Variants in INPP5B observed in about 807,000 individuals in gnomAD.
The protein encoded by INPP5B is inositol polyphosphate-5-phosphatase B.
In INPP5B, 90 loss-of-function variants were observed where a neutral mutation model predicts 118.5. The observed-to-expected ratio is 0.76, with a 90% CI of 0.64 to 0.90. The LOEUF is 0.90. INPP5B is among the 40% of genes least tolerant of loss of function. The pLI, the probability that INPP5B is intolerant of heterozygous loss-of-function variation, is 0.00. For synonymous variants in INPP5B, 385 were observed against 418.9 expected, an observed-to-expected ratio of 0.92 and a Z score of 0.99; for missense variants, 984 against 1,125.6, an observed-to-expected ratio of 0.87 and a Z score of 1.80.
At chr1:37,901,732 C>T (rs28469609) in intron 7 of INPP5B, among the ~76,000 whole-genome samples, 34,544 of 151,948 alleles carry the variant, frequency 0.23, 4,483 homozygotes, top group East Asian at 0.29. Context: ...GCGGTCTTCT[C>T]GGAATCTCCT....
chr1:37,896,304 A>C (rs1317640464), intron 7 of INPP5B, among the ~76,000 whole-genome samples: 3 of 108,152 alleles, frequency 2.8e-5, no homozygotes, highest in Non-Finnish European at 3.8e-5. Context: ...AAGTGAGGAG[A>C]CCCTCTGCCT....
Position 37,946,334 on chromosome 1 carries a change from C to T in INPP5B, c.-26G>A. On this transcript the variant is annotated splice_region_variant and 5_prime_UTR_variant, in exon 2 of 24. Coordinates refer to ENST00000373024, the MANE Select transcript of INPP5B (RefSeq NM_005540.3). The stretch of plus-strand genomic sequence containing the variant: ...GCTGGCCCCTGCTGAGCGCACACAC[C>T]CTGTGGGAGGGGAGATAGGAGCCCC... 7 of 1,606,134 alleles carry T rather than the reference C, an allele frequency of 4.4e-6. No individual in the cohort carries two copies. Among genetic ancestry groups the T allele is most frequent in the Non-Finnish European group, 5.1e-6 (6 of 1,176,236 alleles).
intron 7 of INPP5B, among the ~76,000 whole-genome samples, chr1:37,921,518 G>A (rs1263445855): frequency 6.6e-6 from 1 of 151,964 alleles, no homozygotes; most frequent in African/African-American, 2.4e-5. Flanking sequence ...ATATCTCACA[G>A]CTTTAAAAAG....
chr1:37,913,318 A>T (rs932980693), intron 7 of INPP5B, among the ~76,000 whole-genome samples: 2 of 151,134 alleles, frequency 1.3e-5, no homozygotes, highest in Non-Finnish European at 1.5e-5. Flanking sequence ...TTTTTACCTA[A>T]ATCAATCTGG....
rs891905270 is a variant in INPP5B at position 37,895,767 on chromosome 1, G to A, written c.533-4313C>T. Among the ~76,000 whole-genome samples, 249 of 152,302 alleles carry A rather than the reference G, an allele frequency of 1.6e-3. 1 individual carries two copies. The highest frequency in any genetic ancestry group is 1.2e-3 in the Non-Finnish European group (85 of 68,020). ...TAACCGCGAGTGATCCGCCAGCCTC[G>A]GCCTCCTGAGGTGCCGGGATTGCAG... On this transcript the variant is annotated intron_variant, in intron 7 of 23. Coordinates refer to ENST00000373024, the MANE Select transcript of INPP5B (RefSeq NM_005540.3).
chr1:37,873,424 C>G (rs998318035), intron 18 of INPP5B: 2 of 475,272 alleles, frequency 4.2e-6, no homozygotes, highest in Admixed American at 7.2e-5. Flanking sequence ...CTAAGGAGCA[C>G]AGCTCAAGCT....
intron 8 of INPP5B, 41 bp from the exon 9 acceptor site, chr1:37,889,765 C>T: frequency 1.4e-6 from 2 of 1,474,608 alleles, no homozygotes; most frequent in Non-Finnish European, 1.9e-6. Flanking sequence ...TGGATGAGTC[C>T]CCATGGCAAA....
At chr1:37,904,330 A>T (rs1644431932) in intron 7 of INPP5B, among the ~76,000 whole-genome samples, 1 of 152,172 alleles carries the variant, frequency 6.6e-6, no homozygotes, top group East Asian at 1.9e-4. Context: ...TCTCAAAAAA[A>T]AATAATAAAT....
chr1:37,892,774 C>G (rs963069110), intron 7 of INPP5B, among the ~76,000 whole-genome samples: 1 of 152,172 alleles, frequency 6.6e-6, no homozygotes, highest in African/African-American at 2.4e-5. Context: ...AAATCCTAAC[C>G]CCCAAGATAA....
At chr1:37,946,104 A>C (rs569246196) in intron 2 of INPP5B, 148 bp downstream of exon 2, 131 of 780,206 alleles carry the variant, frequency 1.7e-4, no homozygotes, top group Middle Eastern at 8.5e-4. Context: ...CTGAGAGTCC[A>C]GGACTCAGTA....
chr1:37,878,095 G>A, intron 16 of INPP5B, 93 bp downstream of exon 16: 2 of 1,444,136 alleles, frequency 1.4e-6, no homozygotes. Context: ...CCTCTCAAAA[G>A]GAGAGGAAGA....
chr1:37,912,695 T>C (rs1016295393), intron 7 of INPP5B, among the ~76,000 whole-genome samples: 2 of 152,004 alleles, frequency 1.3e-5, no homozygotes, highest in Non-Finnish European at 2.9e-5. Context: ...CCTCTTAGAG[T>C]GGATAGATGA....
Position 37,880,224 on chromosome 1 carries a change from A to C in INPP5B, c.1432-30T>G, listed in dbSNP as rs2306427. 1,042,766 of 1,515,798 alleles carry C rather than the reference A, an allele frequency of 0.69. 366,450 individuals carry two copies. Among genetic ancestry groups the C allele is most frequent in the Non-Finnish European group, 0.73 (798,023 of 1,097,756 alleles). The allele number at this position is 1,515,798 out of a possible 1,614,324, so 93.9% of individuals were successfully genotyped here. A position where few individuals can be genotyped will look rare whatever the true frequency, so the allele number is the denominator to read the frequency against. On this transcript the variant is annotated intron_variant, in intron 14 of 23. Transcript: ENST00000373024. ...ACAAAAGGATGGGAGAAAAAAAAATATCAGAATAAAAAGGTCAAACTTTGA... is the reference window on the plus strand; with the variant it reads ...ACAAAAGGATGGGAGAAAAAAAAATCTCAGAATAAAAAGGTCAAACTTTGA...
rs1471518829 is a variant in INPP5B at position 37,932,019 on chromosome 1, C to G, written c.426G>C (p.Leu142=). Residue 142 remains leucine, a synonymous_variant, in exon 7 of 24, where the codon CTG becomes CTC. Coordinates refer to ENST00000373024, the MANE Select transcript of INPP5B (RefSeq NM_005540.3). ...FDSATRDPEF[L]WLSRYRCAEL... is the part of the protein sequence containing the mutation. The stretch of plus-strand genomic sequence containing the variant: ...CTGCGCACCTATACCGAGACAGCCA[C>G]AGGAATTCAGGATCCCGGGTCGCAG... The G allele has an allele frequency of 6.9e-6, 11 of 1,603,768 alleles. No homozygotes were observed. The East Asian group carries it at 1.8e-4, about 26-fold the overall frequency.
chr1:37,890,355 A>G (rs1643772331), intron 8 of INPP5B, among the ~76,000 whole-genome samples: 1 of 152,134 alleles, frequency 6.6e-6, no homozygotes, highest in Non-Finnish European at 1.5e-5. Context: ...CTCAAAAGAA[A>G]AAAAAAGAAA....
intron 9 of INPP5B, among the ~76,000 whole-genome samples, chr1:37,888,944 C>T (rs1326948789): frequency 1.3e-5 from 2 of 152,120 alleles, no homozygotes; most frequent in African/African-American, 4.8e-5. Context: ...GAGTATAAAA[C>T]CTTGGAGGGA....
chr1:37,931,888 CG>C, intron 7 of INPP5B, 24 bp downstream of exon 7: 1 of 1,613,880 alleles, frequency 6.2e-7, no homozygotes, highest in African/African-American at 1.3e-5. Context: ...CAATCCCCAC[CG>C]TTTCTTCCGG....
chr1:37,912,670 C>T (rs971271002), intron 7 of INPP5B, among the ~76,000 whole-genome samples: 14 of 152,244 alleles, frequency 9.2e-5, no homozygotes, highest in South Asian at 2.1e-4. Flanking sequence ...ATCCCCAATC[C>T]GCCACTCTTG....
At position 37,876,748 on chromosome 1, in the gene INPP5B, C is replaced by T. The variant is rs1000896368; in HGVS notation, c.1678-1032G>A. Among the ~76,000 whole-genome samples the T allele has an allele frequency of 6.2e-5, 9 of 145,608 alleles. No individual in the cohort carries two copies. In the Admixed American group the frequency reaches 6.3e-4, roughly 10 times the overall value. ...ACCATTAGCCGGGTGTGGTGGCGGG[C>T]GCCTGCCTGTAGTCCCAGCTACTCG... On this transcript the variant is annotated intron_variant, in intron 16 of 23. Transcript: ENST00000373024.
Sources: gnomAD v4.1 joint callset for allele counts (sites outside exome capture counted in the v4.1 genomes callset) on GRCh38, gnomAD v4.1.1 for gene constraint, MANE v1.5 for transcripts, NCBI Gene and HGNC (gene_info 2026-07-23, HGNC 2026-07-21) for gene names.